Variants in IGF1R observed in about 807,000 individuals in gnomAD.
IGF1R encodes insulin like growth factor 1 receptor.
A neutral mutation model predicts 144.6 loss-of-function variants in IGF1R; 44 were observed. The ratio of observed to expected loss-of-function variants is 0.30; its 90% confidence interval spans 0.24 to 0.39. The LOEUF (loss-of-function observed/expected upper bound fraction) is 0.39. Among genes scored for constraint, IGF1R ranks in the 10% least tolerant of loss-of-function variants. The pLI, the probability that IGF1R is intolerant of heterozygous loss-of-function variation, is 1.00. For synonymous variants in IGF1R, 795 were observed against 722.8 expected (o/e 1.10, Z -1.60); for missense variants, 1,355 against 1,833.7 (o/e 0.74, Z 4.77).
At chr15:98,698,818 A>G (rs986497030) in intron 1 of IGF1R, among the ~76,000 whole-genome samples, 14 of 152,256 alleles carry the variant, frequency 9.2e-5, no homozygotes, top group African/African-American at 3.4e-4. Flanking sequence ...TCCATGAAGA[A>G]TCACACTGCA....
intron 2 of IGF1R, among the ~76,000 whole-genome samples, chr15:98,720,522 A>T (rs1292213469): frequency 6.6e-6 from 1 of 152,136 alleles, no homozygotes; most frequent in Admixed American, 6.6e-5. Context: ...TGCCTACGAA[A>T]CTAGATCTAG....
chr15:98,788,076 G>GTA (rs1419997014), intron 2 of IGF1R, among the ~76,000 whole-genome samples: 1 of 150,770 alleles, frequency 6.6e-6, no homozygotes, highest in Non-Finnish European at 1.5e-5. Context: ...GTGTGTGTGT[G>GTA]TGTGTGTGTG....
At chr15:98,683,967 T>C (rs1487694932) in intron 1 of IGF1R, among the ~76,000 whole-genome samples, 9 of 152,188 alleles carry the variant, frequency 5.9e-5, no homozygotes, top group Admixed American at 5.9e-4. Flanking sequence ...GGGATCCTCC[T>C]GGAGGCTTAG....
chr15:98,778,868 C>A (rs2055784644), intron 2 of IGF1R, among the ~76,000 whole-genome samples: 1 of 152,184 alleles, frequency 6.6e-6, no homozygotes, highest in African/African-American at 2.4e-5. Flanking sequence ...TGGAAGTCAG[C>A]ATATGCATAG....
In IGF1R at chr15:98,891,548, C is replaced by T. The variant is rs34430460; in HGVS notation, c.864C>T (p.Ala288=). The T allele has an allele frequency of 3.8e-3, 6,149 of 1,611,058 alleles. 224 individuals carry two copies. In the African/African-American group the frequency reaches 0.072, roughly 19 times the overall value. The change falls in exon 3 of 21, where the codon GCC becomes GCT. Residue 288 remains alanine, a synonymous_variant. Coordinates refer to ENST00000650285, the MANE Select transcript of IGF1R (RefSeq NM_000875.5). The surrounding 1 kb of genome is among the most constrained non-coding windows in gnomAD (Gnocchi z 4.7). Reference sequence around the variant, plus strand: ...ACTTCTGCGCCAACATCCTCAGCGCCGAGAGCAGCGACTCCGAGGGGTTTG... The same window carrying T: ...ACTTCTGCGCCAACATCCTCAGCGCTGAGAGCAGCGACTCCGAGGGGTTTG... ...DRDFCANILS[A]ESSDSEGFVI...
intron 2 of IGF1R, chr15:98,890,229 C>T (rs1432504399): frequency 6.6e-6 from 1 of 152,214 alleles, no homozygotes; most frequent in African/African-American, 2.4e-5. Context: ...GCCGAATTCC[C>T]AGACAGTTAA....
intron 2 of IGF1R, among the ~76,000 whole-genome samples, chr15:98,791,943 T>G (rs1257531749): frequency 1.3e-5 from 2 of 152,200 alleles, no homozygotes; most frequent in Admixed American, 6.5e-5. Context: ...TATCCTCCAG[T>G]ACACAATCTA....
chr15:98,802,011 G>A (rs2056374156), intron 2 of IGF1R, among the ~76,000 whole-genome samples: 1 of 152,182 alleles, frequency 6.6e-6, no homozygotes, highest in African/African-American at 2.4e-5. Flanking sequence ...TTTCCTCATG[G>A]CCCTGGCTGT....
chr15:98,700,313 G>C (rs1236016778), intron 1 of IGF1R, among the ~76,000 whole-genome samples: 1 of 152,084 alleles, frequency 6.6e-6, no homozygotes, highest in Non-Finnish European at 1.5e-5. Context: ...CGGGCTTCTT[G>C]GGGGTTTTCT....
intron 17 of IGF1R, 57 bp from the exon 18 acceptor site, chr15:98,939,144 T>C (rs2016269321): frequency 6.9e-7 from 1 of 1,455,128 alleles, no homozygotes; most frequent in East Asian, 2.3e-5. Context: ...CGAAAGAAAT[T>C]GGCATGGAAA....
rs149081070 is a variant in IGF1R, at chr15:98,730,985, T to C, written c.640+22878T>C. On this transcript the variant is annotated intron_variant, in intron 2 of 20. Coordinates refer to ENST00000650285, the MANE Select transcript of IGF1R (RefSeq NM_000875.5). ...TTTGAGTGCTCTTTCTGTTAATTCATCCTTGTCAATAACCCCATTAGCTAA... is the reference window on the plus strand; with the variant it reads ...TTTGAGTGCTCTTTCTGTTAATTCACCCTTGTCAATAACCCCATTAGCTAA... Among the ~76,000 whole-genome samples, 414 of 152,342 alleles carry C rather than the reference T, an allele frequency of 2.7e-3. 4 individuals carry two copies. Among genetic ancestry groups the C allele is most frequent in the African/African-American group, 8.9e-3 (370 of 41,572 alleles).
intron 1 of IGF1R, among the ~76,000 whole-genome samples, chr15:98,655,441 C>T (rs1204379529): frequency 6.6e-6 from 1 of 151,910 alleles, no homozygotes; most frequent in East Asian, 1.9e-4. Flanking sequence ...GTTTTATTTT[C>T]AAATCTTAAG....
At chr15:98,727,952 C>T (rs2054400920) in intron 2 of IGF1R, among the ~76,000 whole-genome samples, 1 of 150,844 alleles carries the variant, frequency 6.6e-6, no homozygotes, top group African/African-American at 2.4e-5. Flanking sequence ...CCCTTTATTT[C>T]CCATCAAATA....
At chr15:98,760,779 A>G (rs973168681) in intron 2 of IGF1R, among the ~76,000 whole-genome samples, 2 of 152,168 alleles carry the variant, frequency 1.3e-5, no homozygotes, top group African/African-American at 4.8e-5. Flanking sequence ...ACTCCAAGTC[A>G]CTGTCCAATT....
chr15:98,811,763 A>C (rs536799755), intron 2 of IGF1R, among the ~76,000 whole-genome samples: 1 of 151,530 alleles, frequency 6.6e-6, no homozygotes, highest in South Asian at 2.1e-4. Flanking sequence ...CGTGTCCACT[A>C]AAAATACAGA....
chr15:98,841,832 C>G (rs1458081965), intron 2 of IGF1R, among the ~76,000 whole-genome samples: 1 of 152,178 alleles, frequency 6.6e-6, no homozygotes, highest in Non-Finnish European at 1.5e-5. Context: ...TGGAGCACCA[C>G]TCTCCCCTGT....
At chr15:98,695,967 C>G (rs1026281338) in intron 1 of IGF1R, among the ~76,000 whole-genome samples, 1 of 147,578 alleles carries the variant, frequency 6.8e-6, no homozygotes, top group African/African-American at 2.7e-5. Flanking sequence ...CAGGGTCTCT[C>G]CCCTGGCCCC....
chr15:98,945,820 C>T (rs576608716), intron 19 of IGF1R, among the ~76,000 whole-genome samples: 16 of 152,144 alleles, frequency 1.1e-4, no homozygotes, highest in African/African-American at 3.6e-4. Context: ...CTGTGAAGGA[C>T]GACTGACTCT....
intron 2 of IGF1R, among the ~76,000 whole-genome samples, chr15:98,750,533 G>A (rs2054984583): frequency 6.6e-6 from 1 of 152,140 alleles, no homozygotes; most frequent in African/African-American, 2.4e-5. Flanking sequence ...CATAAAAATT[G>A]CCCAAAACTG....
Sources: gnomAD v4.1 joint callset for allele counts (sites outside exome capture counted in the v4.1 genomes callset) on GRCh38, gnomAD v4.1.1 for gene constraint, Gnocchi (gnomAD v3.1) non-coding constraint, MANE v1.5 for transcripts, NCBI Gene and HGNC (gene_info 2026-07-23, HGNC 2026-07-21) for gene names.